The following IL1RAPL2 variants were observed in gnomAD, a reference collection of about 807,000 sequenced individuals.
IL1RAPL2 encodes interleukin 1 receptor accessory protein like 2, also known as X-linked interleukin-1 receptor accessory protein-like 2.
A neutral mutation model predicts 44.1 loss-of-function variants in IL1RAPL2; 3 were observed. The observed-to-expected ratio is 0.07, with a 90% CI of 0.03 to 0.18. The LOEUF (loss-of-function observed/expected upper bound fraction) is 0.18, where lower values mean the gene tolerates loss of function less well. IL1RAPL2 is among the 10% of genes least tolerant of loss of function. The probability of loss-of-function intolerance (pLI) is 1.00; values close to 1 mark genes in which losing one functional copy is unlikely to be tolerated. For missense variants in IL1RAPL2, 391 were observed against 496.4 expected (o/e 0.79, Z 2.02); for synonymous variants, 181 against 178.8 (o/e 1.01, Z -0.10).
chrX:105,447,193 A>C, intron 5 of IL1RAPL2, among the ~76,000 whole-genome samples: 1 of 17,513 alleles, frequency 5.7e-5, no homozygotes, highest in African/African-American at 1.4e-3. Flanking sequence ...ATATAAATAT[A>C]TATAAATATA....
chrX:104,996,322 T>G (rs1194846672), intron 2 of IL1RAPL2, among the ~76,000 whole-genome samples: 2 of 111,902 alleles, frequency 1.8e-5, no homozygotes, highest in Non-Finnish European at 3.8e-5. Flanking sequence ...TGTCCATAAG[T>G]ATGTACCAAG....
chrX:104,783,861 T>C (rs1344660291), intron 2 of IL1RAPL2, among the ~76,000 whole-genome samples: 2 of 110,045 alleles, frequency 1.8e-5, no homozygotes, highest in Non-Finnish European at 3.8e-5. Flanking sequence ...TTGCATTTAA[T>C]GGGAACCTTT....
At chrX:105,730,330 T>C (rs1239313028) in intron 7 of IL1RAPL2, among the ~76,000 whole-genome samples, 1 of 111,241 alleles carries the variant, frequency 9.0e-6, no homozygotes, top group Admixed American at 9.6e-5. Context: ...TGGCAAATAT[T>C]TGTGCACCTA....
At chrX:104,923,803 A>C (rs1046920301) in intron 2 of IL1RAPL2, among the ~76,000 whole-genome samples, 2 of 110,892 alleles carry the variant, frequency 1.8e-5, no homozygotes, top group African/African-American at 6.6e-5. Flanking sequence ...TCGCATGTCA[A>C]TATTAACTTT....
chrX:105,045,946 C>G (rs1038366541), intron 2 of IL1RAPL2, among the ~76,000 whole-genome samples: 1 of 110,863 alleles, frequency 9.0e-6, no homozygotes, highest in Non-Finnish European at 1.9e-5. Flanking sequence ...GCTAAATAAC[C>G]TTTGGTCTTT....
intron 3 of IL1RAPL2, among the ~76,000 whole-genome samples, chrX:105,205,587 TAAAAAAAAAAAAAAA>T (rs375473348): frequency 0.043 from 351 of 8,199 alleles, 12 homozygotes; most frequent in Non-Finnish European, 0.096. Context: ...AAGACTCTGT[TAAAAAAAAAAAAAAA>T]AAAAAAAAAA....
intron 5 of IL1RAPL2, among the ~76,000 whole-genome samples, chrX:105,318,036 G>A (rs112012788): frequency 0.066 from 7,063 of 106,563 alleles, 584 homozygotes; most frequent in African/African-American, 0.23. Context: ...GCAGTGGCGC[G>A]ATCTCGGCTC....
At chrX:105,028,317 ATAAC>A (rs1475068194) in intron 2 of IL1RAPL2, among the ~76,000 whole-genome samples, 1 of 111,298 alleles carries the variant, frequency 9.0e-6, no homozygotes, top group African/African-American at 3.3e-5. Context: ...ACATATAAAA[ATAAC>A]TACAAGACTG....
At chrX:105,733,429 T>A (rs911086350) in intron 7 of IL1RAPL2, among the ~76,000 whole-genome samples, 1 of 111,288 alleles carries the variant, frequency 9.0e-6, no homozygotes, top group Non-Finnish European at 1.9e-5. Context: ...TTTTAGAAAA[T>A]TTTCCAAGCT....
At chrX:105,364,675 T>G (rs2147713978) in intron 5 of IL1RAPL2, among the ~76,000 whole-genome samples, 1 of 111,504 alleles carries the variant, frequency 9.0e-6, no homozygotes, top group African/African-American at 3.2e-5. Context: ...GATGTTCTTG[T>G]AAATGACGTT....
At chrX:104,651,110 A>G (rs1264981867) in intron 1 of IL1RAPL2, among the ~76,000 whole-genome samples, 2 of 112,197 alleles carry the variant, frequency 1.8e-5, no homozygotes, top group Non-Finnish European at 3.8e-5. Flanking sequence ...TGTTGAATTA[A>G]TTGACTCTTC....
At chrX:104,959,290 C>T (rs753053424) in intron 2 of IL1RAPL2, among the ~76,000 whole-genome samples, 47 of 111,172 alleles carry the variant, frequency 4.2e-4, no homozygotes, top group Non-Finnish European at 8.1e-4. Context: ...TGGAAATGGG[C>T]TATCAGGTGT....
rs961003987 is a variant in IL1RAPL2 at position 104,756,997 on chromosome X, G to A, written c.82+98002G>A. ...AGAGAGGTAATCGGGTAACTGGGTAGGTCCTGGTAAAAATCTTGGTCTTCT... is the reference window on the plus strand; with the variant it reads ...AGAGAGGTAATCGGGTAACTGGGTAAGTCCTGGTAAAAATCTTGGTCTTCT... On this transcript the variant is annotated intron_variant, in intron 2 of 10. Coordinates refer to ENST00000372582, the MANE Select transcript of IL1RAPL2 (RefSeq NM_017416.2). Among the ~76,000 whole-genome samples, 9 of 110,634 alleles carry A rather than the reference G, an allele frequency of 8.1e-5. No homozygotes were observed. In the Admixed American group the frequency reaches 8.7e-4, roughly 11 times the overall value.
intron 10 of IL1RAPL2, among the ~76,000 whole-genome samples, chrX:105,760,383 G>T (rs2038677116): frequency 8.9e-6 from 1 of 112,143 alleles, no homozygotes; most frequent in Non-Finnish European, 1.9e-5. Flanking sequence ...TACACTACAA[G>T]CTTTTAGGGC....
At chrX:104,886,735 T>A (rs1365529550) in intron 2 of IL1RAPL2, among the ~76,000 whole-genome samples, 2 of 112,124 alleles carry the variant, frequency 1.8e-5, no homozygotes, top group Non-Finnish European at 3.8e-5. Context: ...CAGTTTCTCT[T>A]TGCCTTTGAG....
intron 2 of IL1RAPL2, among the ~76,000 whole-genome samples, chrX:105,103,956 T>C (rs1461691332): frequency 8.9e-6 from 1 of 112,369 alleles, no homozygotes; most frequent in Non-Finnish European, 1.9e-5. Context: ...GGTAAAAGTC[T>C]ACCCTGGTGG....
chrX:105,425,221 G>T (rs1219535264), intron 5 of IL1RAPL2, among the ~76,000 whole-genome samples: 1 of 111,229 alleles, frequency 9.0e-6, no homozygotes, highest in Non-Finnish European at 1.9e-5. Context: ...GATTACTTGG[G>T]TTTGAGGTCA....
Position 105,221,595 on chromosome X carries a change from C to A in IL1RAPL2, c.357-12223C>A, listed in dbSNP as rs1251087527. ...GCCTTATTTGGACATGGTCTTGTCA[C>A]TTGACTGCCTGTAATTAGCTGGAGC... On this transcript the variant is annotated intron_variant, in intron 3 of 10. Transcript: ENST00000372582. Among the ~76,000 whole-genome samples the A allele has an allele frequency of 2.7e-5, 3 of 111,755 alleles. No homozygotes were observed. The East Asian group carries it at 8.5e-4, about 32-fold the overall frequency.
At chrX:105,048,878 G>A (rs760716864) in intron 2 of IL1RAPL2, among the ~76,000 whole-genome samples, 1 of 112,293 alleles carries the variant, frequency 8.9e-6, no homozygotes, top group South Asian at 3.7e-4. Context: ...CATGTGGCTA[G>A]TGGCTCCTCT....
Sources: allele counts gnomAD v4.1 joint callset (sites outside exome capture counted in the v4.1 genomes callset), GRCh38; gene constraint gnomAD v4.1.1; transcripts MANE v1.5; gene names NCBI Gene and HGNC (gene_info 2026-07-23, HGNC 2026-07-21).